The following MBTPS1 variants were observed in gnomAD, a reference collection of about 807,000 sequenced individuals.
MBTPS1 encodes membrane bound transcription factor peptidase, site 1.
MBTPS1 carries 94 observed loss-of-function variants against 127.8 expected under a neutral mutation model. The observed-to-expected ratio is 0.74, with a 90% confidence interval of 0.62 to 0.87. The LOEUF is 0.87. Among genes scored for constraint, MBTPS1 ranks in the 40% least tolerant of loss-of-function variants. The pLI, the probability that MBTPS1 is intolerant of heterozygous loss-of-function variation, is 0.00. For synonymous variants in MBTPS1, 632 were observed against 509.4 expected (o/e 1.24, Z -3.24); for missense variants, 1,636 against 1,353.2 (o/e 1.21, Z -3.28).
chr16:84,058,861 C>T (rs2280025), intron 21 of MBTPS1, among the ~76,000 whole-genome samples: 36,118 of 152,090 alleles, frequency 0.24, 4,736 homozygotes, highest in East Asian at 0.35. Context: ...CAGCACAGGA[C>T]GTAATGACAC....
At chr16:84,068,037 G>A (rs2085713414) in intron 15 of MBTPS1, among the ~76,000 whole-genome samples, 1 of 152,250 alleles carries the variant, frequency 6.6e-6, no homozygotes. Flanking sequence ...CACTTGTGGT[G>A]CTCAGGATAA....
Position 84,063,340 on chromosome 16 carries a change from T to G in MBTPS1, c.2537A>C (p.Asp846Ala). Residue 846 changes from aspartate to alanine, a missense_variant, in exon 19 of 23, where the codon GAC (aspartate) becomes GCC (alanine). By Grantham distance (126) the Asp-to-Ala change is moderately radical. Transcript: ENST00000343411. ...EGGGRIVLYG[D>A]SNCLDDSHRQ... ...GTGACTGTCATCCAAGCAATTGGAG[T>G]CCCCATACAGTACAATCCGGCCTCC... The G allele has an allele frequency of 1.2e-6, 2 of 1,613,662 alleles. No individual in the cohort carries two copies. The highest frequency in any genetic ancestry group is 1.7e-6 in the Non-Finnish European group (2 of 1,179,676).
rs547770795 is a variant in MBTPS1, at chr16:84,095,127, T to C, written c.625+475A>G. On this transcript the variant is annotated intron_variant, in intron 4 of 22. Transcript: ENST00000343411. ...AATCATCAGCAGGTGTGATAGTCAA[T>C]TACTTAGTCACTCTGCATTCAGGAC... Among the ~76,000 whole-genome samples, 12 of 152,350 alleles carry C rather than the reference T, an allele frequency of 7.9e-5. No homozygotes were observed. The East Asian group carries it at 2.3e-3, about 29-fold the overall frequency.
chr16:84,085,184 C>G (rs1328332608), intron 9 of MBTPS1, 50 bp from the exon 10 acceptor site: 1 of 1,575,752 alleles, frequency 6.3e-7, no homozygotes, highest in South Asian at 1.1e-5. Flanking sequence ...TGGCATACAG[C>G]CGCATGCAAT....
intron 21 of MBTPS1, among the ~76,000 whole-genome samples, chr16:84,058,892 C>T (rs2085562885): frequency 6.6e-6 from 1 of 152,138 alleles, no homozygotes; most frequent in Non-Finnish European, 1.5e-5. Context: ...TCTTCTTGGA[C>T]AGGCTGCAAC....
chr16:84,077,569 T>G (rs61531836), intron 11 of MBTPS1, among the ~76,000 whole-genome samples: 9 of 152,050 alleles, frequency 5.9e-5, no homozygotes, highest in Admixed American at 5.9e-4. Flanking sequence ...CATCCCTACC[T>G]CCAAACAATA....
intron 9 of MBTPS1, chr16:84,085,897 C>A (rs1466175191): frequency 6.6e-6 from 1 of 151,828 alleles, no homozygotes; most frequent in East Asian, 1.9e-4. Context: ...AAAAAGTACA[C>A]GGTATGAGTG....
At chr16:84,093,501 G>A (rs965919583) in intron 5 of MBTPS1, among the ~76,000 whole-genome samples, 5 of 152,116 alleles carry the variant, frequency 3.3e-5, no homozygotes, top group Non-Finnish European at 5.9e-5. Flanking sequence ...TCCGGGACAG[G>A]GAGCTGCCCC....
In MBTPS1 at chr16:84,059,402, C is replaced by A; in HGVS notation, c.2731G>T (p.Val911Phe). The stretch of plus-strand genomic sequence containing the variant: ...GGGTCTCCCAAATGGGCCTCCAGAA[C>A]CTTGGAGTACCGATGAAGATGGTTT... Reference protein sequence around the residue: ...EGNHLHRYSKVLEAHLGDPKP... With the variant: ...EGNHLHRYSKFLEAHLGDPKP... The change falls in exon 21 of 23, where the codon GTT (valine) becomes TTT (phenylalanine). Residue 911 changes from valine to phenylalanine, a missense_variant. Physicochemically the swap from Val to Phe is conservative, Grantham distance 50. Transcript: ENST00000343411. The A allele has an allele frequency of 6.2e-7, 1 of 1,613,846 alleles. No individual in the cohort carries two copies. Among genetic ancestry groups the A allele is most frequent in the Non-Finnish European group, 8.5e-7 (1 of 1,179,782 alleles).
rs1336324127 is a variant in MBTPS1, at chr16:84,093,304, T to C, written c.737-7A>G. 7.6e-6 allele frequency: 12 copies of C among 1,585,752 alleles called. No individual in the cohort carries two copies. Among genetic ancestry groups the C allele is most frequent in the Non-Finnish European group, 1.0e-5 (12 of 1,154,200 alleles). On this transcript the variant is annotated splice_region_variant and splice_polypyrimidine_tract_variant and intron_variant, in intron 5 of 22. Transcript: ENST00000343411. ...AATGTGCCATGGCCCAACCCTGCAGTCCATAAAGAAAACAATCCCATAAAA... is the reference window on the plus strand; with the variant it reads ...AATGTGCCATGGCCCAACCCTGCAGCCCATAAAGAAAACAATCCCATAAAA...
At chr16:84,067,854 G>C (rs756925177) in intron 15 of MBTPS1, 31 bp from the exon 16 acceptor site, 4 of 1,591,410 alleles carry the variant, frequency 2.5e-6, no homozygotes, top group East Asian at 4.5e-5. Context: ...GCTGGGAACT[G>C]TCACTTCTGA....
At chr16:84,057,075 G>C (rs1045040649) in intron 21 of MBTPS1, 1 of 152,206 alleles carries the variant, frequency 6.6e-6, no homozygotes, top group Non-Finnish European at 1.5e-5. Context: ...AGTCCTATCA[G>C]CAATTAGGCT....
chr16:84,095,554 A>T, intron 4 of MBTPS1, 48 bp downstream of exon 4: 1 of 1,590,176 alleles, frequency 6.3e-7, no homozygotes, highest in Non-Finnish European at 8.6e-7. Flanking sequence ...GGGTAATAGC[A>T]CACACCTGTA....
Position 84,067,790 on chromosome 16 carries a change from T to G in MBTPS1, c.2105A>C (p.Tyr702Ser), listed in dbSNP as rs1227752542. Reference protein sequence around the residue: ...TLLMVDSEEEYFPEEIAKLRR... With the variant: ...TLLMVDSEEESFPEEIAKLRR... ...GAGCTTGGCGATCTCTTCAGGGAAGTACTCCTCCTCACTGTCCACCATCAG... is the reference window on the plus strand; with the variant it reads ...GAGCTTGGCGATCTCTTCAGGGAAGGACTCCTCCTCACTGTCCACCATCAG... Residue 702 changes from tyrosine (Y) to serine (S), a missense_variant, in exon 16 of 23, where the codon TAC becomes TCC. Coordinates refer to ENST00000343411, the MANE Select transcript of MBTPS1 (RefSeq NM_003791.4). The G allele has an allele frequency of 6.2e-7, 1 of 1,613,416 alleles. No individual in the cohort carries two copies. The highest frequency in any genetic ancestry group is 1.7e-5 in the Admixed American group (1 of 59,970).
intron 9 of MBTPS1, among the ~76,000 whole-genome samples, chr16:84,087,113 G>A (rs8063994): frequency 0.31 from 47,035 of 151,924 alleles, 7,362 homozygotes; most frequent in East Asian, 0.41. Context: ...GGGAAACACC[G>A]CTTAGAATCA....
chr16:84,085,558 C>A (rs1162778327), intron 9 of MBTPS1, among the ~76,000 whole-genome samples: 6 of 132,594 alleles, frequency 4.5e-5, no homozygotes, highest in Admixed American at 1.5e-4. Context: ...CTGTCCCCCT[C>A]AGCCCCGCAC....
intron 8 of MBTPS1, among the ~76,000 whole-genome samples, chr16:84,089,110 C>A (rs2086069380): frequency 6.6e-6 from 1 of 151,110 alleles, no homozygotes; most frequent in Admixed American, 6.6e-5. Flanking sequence ...ACAGGTATGG[C>A]CAGGAGGATG....
At chr16:84,093,612 G>C in intron 5 of MBTPS1, 99 bp downstream of exon 5, 4 of 876,924 alleles carry the variant, frequency 4.6e-6, no homozygotes, top group Non-Finnish European at 7.5e-6. Context: ...ATAACACCTT[G>C]GGCTTGTCTG....
chr16:84,084,910 ACTC>A, intron 10 of MBTPS1, 70 bp downstream of exon 10: 1 of 1,506,826 alleles, frequency 6.6e-7, no homozygotes, highest in Admixed American at 1.9e-5. Flanking sequence ...GCAAGACACG[ACTC>A]CTGCTCTGCT....
Sources: allele counts gnomAD v4.1 joint callset (sites outside exome capture counted in the v4.1 genomes callset), GRCh38; gene constraint gnomAD v4.1.1; transcripts MANE v1.5; gene names NCBI Gene and HGNC (gene_info 2026-07-23, HGNC 2026-07-21).